The following SLC24A2 variants were observed in gnomAD, a reference collection of about 807,000 sequenced individuals.
SLC24A2 encodes the protein solute carrier family 24 member 2.
Under a neutral mutation model 62.0 loss-of-function variants are expected in SLC24A2, and 36 were observed. The ratio of observed to expected loss-of-function variants is 0.58; its 90% CI spans 0.44 to 0.77. The LOEUF (loss-of-function observed/expected upper bound fraction) is 0.77. Among genes scored for constraint, SLC24A2 ranks in the 30% least tolerant of loss-of-function variants. SLC24A2 has a pLI of 0.00. For synonymous variants in SLC24A2, 358 were observed against 294.0 expected (o/e 1.22, Z -2.23); for missense variants, 846 against 817.9 (o/e 1.03, Z -0.42).
rs192650128 is a variant in SLC24A2 at position 19,550,693 on chromosome 9, T to A, written c.1348-425A>T. 4.3e-3 allele frequency among the ~76,000 whole-genome samples: 516 copies of A among 120,216 alleles called. 2 individuals carry two copies. Among genetic ancestry groups the A allele is most frequent in the African/African-American group, 0.014 (490 of 34,256 alleles). The allele number at this position is 120,216 out of a possible 152,430, so 78.9% of individuals were successfully genotyped here. A position where few individuals can be genotyped will look rare whatever the true frequency, so the allele number is the denominator to read the frequency against. ...TGGGAAGGAGAGCACTGATAAAAAATATTTCTTTTTCTCTTTTTTTTTTTT... is the reference window on the plus strand; with the variant it reads ...TGGGAAGGAGAGCACTGATAAAAAAAATTTCTTTTTCTCTTTTTTTTTTTT... On this transcript the variant is annotated intron_variant, in intron 7 of 10. Coordinates refer to ENST00000341998, the MANE Select transcript of SLC24A2 (RefSeq NM_020344.4).
chr9:20,260,620 T>G, the SLC24A2 span, among the ~76,000 whole-genome samples: 1 of 152,306 alleles, frequency 6.6e-6, no homozygotes, highest in East Asian at 1.9e-4. Flanking sequence ...CTTCGTAATT[T>G]CCTTTTTTCC....
chr9:20,019,973 C>G, the SLC24A2 span, among the ~76,000 whole-genome samples: 1 of 151,782 alleles, frequency 6.6e-6, no homozygotes, highest in Non-Finnish European at 1.5e-5. Flanking sequence ...TGGAAAGAGG[C>G]TCATCATCAC....
the SLC24A2 span, among the ~76,000 whole-genome samples, chr9:20,133,400 A>C: frequency 6.6e-6 from 1 of 152,126 alleles, no homozygotes; most frequent in South Asian, 2.1e-4. Flanking sequence ...AATTTTTATA[A>C]ATCTAATAGG....
At chr9:20,133,578 A>G in the SLC24A2 span, among the ~76,000 whole-genome samples, 1 of 152,164 alleles carries the variant, frequency 6.6e-6, no homozygotes, top group African/African-American at 2.4e-5. Flanking sequence ...CGATATTTCA[A>G]ATGTCTAAAA....
the SLC24A2 span, among the ~76,000 whole-genome samples, chr9:20,113,798 T>C: frequency 6.6e-6 from 1 of 152,208 alleles, no homozygotes; most frequent in Admixed American, 6.6e-5. Flanking sequence ...TATAAATTTT[T>C]ATGCACTGAC....
chr9:19,566,652 C>A (rs891205734), intron 7 of SLC24A2, among the ~76,000 whole-genome samples: 2 of 152,164 alleles, frequency 1.3e-5, no homozygotes, highest in Non-Finnish European at 2.9e-5. Context: ...GCTATAAAGG[C>A]ACATGCACGT....
the SLC24A2 span, among the ~76,000 whole-genome samples, chr9:20,222,283 A>T: frequency 6.6e-6 from 1 of 152,052 alleles, no homozygotes; most frequent in Non-Finnish European, 1.5e-5. Flanking sequence ...AGTCAAAAAA[A>T]AATAAGCAAG....
At chr9:20,121,043 T>G in the SLC24A2 span, among the ~76,000 whole-genome samples, 3 of 150,106 alleles carry the variant, frequency 2.0e-5, no homozygotes, top group Admixed American at 2.0e-4. Flanking sequence ...GTTTTGAAAT[T>G]AGGTACTATG....
At chr9:20,012,646 C>G in the SLC24A2 span, among the ~76,000 whole-genome samples, 1,650 of 152,032 alleles carry the variant, frequency 0.011, 41 homozygotes, top group African/African-American at 0.038. Context: ...TCCAAAGATC[C>G]CCCCATAAAA....
chr9:20,106,671 A>G, the SLC24A2 span, among the ~76,000 whole-genome samples: 1 of 152,188 alleles, frequency 6.6e-6, no homozygotes, highest in Non-Finnish European at 1.5e-5. Context: ...AAAACTCTCA[A>G]TAAATTAGGT....
chr9:19,572,172 A>C (rs948203747), intron 7 of SLC24A2, among the ~76,000 whole-genome samples: 2 of 140,236 alleles, frequency 1.4e-5, no homozygotes, highest in African/African-American at 2.6e-5. Flanking sequence ...AGGCAGGAGA[A>C]TTGCTTGAAC....
At chr9:20,102,013 C>G in the SLC24A2 span, among the ~76,000 whole-genome samples, 2 of 152,170 alleles carry the variant, frequency 1.3e-5, no homozygotes, top group Non-Finnish European at 1.5e-5. Context: ...AGGACAGAGA[C>G]AGTATCATTC....
At position 19,508,539 on chromosome 9, in the gene SLC24A2, T is replaced by A. The variant is rs1646176489; in HGVS notation, c.*7614A>T. ...TGGGTATGGTGGCTCATTCCTTTAA[T>A]CCCAGCACTTTGGGAGGCCAAAGCA... On this transcript the variant is annotated 3_prime_UTR_variant, in exon 11 of 11. Transcript: ENST00000341998. 6.6e-6 allele frequency: 1 copy of A among 152,240 alleles called. No homozygotes were observed. The highest frequency in any genetic ancestry group is 1.5e-5 in the Non-Finnish European group (1 of 68,086). The allele number at this position is 152,240 out of a possible 1,614,324, so 9.4% of individuals were successfully genotyped here.
the SLC24A2 span, among the ~76,000 whole-genome samples, chr9:19,979,574 G>A: frequency 3.9e-5 from 6 of 152,060 alleles, no homozygotes; most frequent in African/African-American, 7.2e-5. Flanking sequence ...AAGCACAAAC[G>A]ATTTCTTTGC....
chr9:20,228,289 C>T, the SLC24A2 span, among the ~76,000 whole-genome samples: 1 of 152,052 alleles, frequency 6.6e-6, no homozygotes, highest in African/African-American at 2.4e-5. Flanking sequence ...AGTCCTTGAA[C>T]TTCCTTTTCT....
the SLC24A2 span, among the ~76,000 whole-genome samples, chr9:19,851,974 G>T: frequency 5.9e-5 from 9 of 152,028 alleles, no homozygotes; most frequent in Non-Finnish European, 1.3e-4. Flanking sequence ...CTGTTTCTCT[G>T]CAGCCTCACC....
the SLC24A2 span, among the ~76,000 whole-genome samples, chr9:19,962,927 G>C: frequency 2.6e-5 from 4 of 152,152 alleles, no homozygotes; most frequent in African/African-American, 7.2e-5. Flanking sequence ...GGGCATCCCT[G>C]TCTTGTGCCA....
At chr9:20,099,296 T>C in the SLC24A2 span, among the ~76,000 whole-genome samples, 1 of 152,202 alleles carries the variant, frequency 6.6e-6, no homozygotes, top group Admixed American at 6.5e-5. Context: ...CCCTTGCCAT[T>C]TGACGATTAC....
the SLC24A2 span, among the ~76,000 whole-genome samples, chr9:20,122,312 G>T: frequency 6.6e-6 from 1 of 152,202 alleles, no homozygotes; most frequent in African/African-American, 2.4e-5. Flanking sequence ...CACACTTGCT[G>T]ACAATCAGGC....
Sources: allele counts gnomAD v4.1 joint callset (sites outside exome capture counted in the v4.1 genomes callset), GRCh38; gene constraint gnomAD v4.1.1; transcripts MANE v1.5; gene names NCBI Gene and HGNC (gene_info 2026-07-23, HGNC 2026-07-21).